SDK1: variants seen among roughly 807,000 people sequenced by gnomAD.
SDK1 encodes the protein protein sidekick-1.
Under a neutral mutation model 245.5 loss-of-function variants are expected in SDK1, and 157 were observed. That is an observed-to-expected ratio of 0.64 (90% CI 0.56 to 0.73). SDK1 has a LOEUF of 0.73. Among genes scored for constraint, SDK1 ranks in the 30% least tolerant of loss-of-function variants. The pLI, the probability that SDK1 is intolerant of heterozygous loss-of-function variation, is 0.00. For synonymous variants in SDK1, 1,647 were observed against 1,278.5 expected (o/e 1.29, Z -6.15); for missense variants, 3,583 against 3,002.3 (o/e 1.19, Z -4.52).
At position 3,974,391 on chromosome 7, in the gene SDK1, G is replaced by A. The variant is rs1205736099; in HGVS notation, c.1840G>A (p.Val614Met). 8.7e-6 allele frequency: 14 copies of A among 1,613,590 alleles called. No individual in the cohort carries two copies. The highest frequency in any genetic ancestry group is 1.6e-4 in the Middle Eastern group (1 of 6,082). The change falls in exon 13 of 45, where the codon GTG becomes ATG. Residue 614 changes from valine (V) to methionine (M), a missense_variant. Coordinates refer to ENST00000404826, the MANE Select transcript of SDK1 (RefSeq NM_152744.4). ...SLRYVWKKDN[V>M]ALTPSSTSRI... is the part of the protein sequence containing the mutation. Reference sequence around the variant, plus strand: ...CAGCTACGTTTGGAAGAAGGACAACGTGGCCCTGACTCCATCGAGCACGTC... The same window carrying A: ...CAGCTACGTTTGGAAGAAGGACAACATGGCCCTGACTCCATCGAGCACGTC...
At position 3,301,835 on chromosome 7, in the gene SDK1, G is replaced by C. The variant is rs1296827578; in HGVS notation, c.249G>C (p.Trp83Cys). ...AAKLGPGRRG[W>C]WALLALQLHL... ...AGTTGGGGCCGGGCCGCCGCGGCTG[G>C]TGGGCGCTGCTGGCGCTGCAGCTGC... Residue 83 changes from tryptophan (W) to cysteine (C), a missense_variant, in exon 1 of 45, where the codon TGG (tryptophan) becomes TGC (cysteine). Trp to Cys is a radical substitution (Grantham distance 215). Transcript: ENST00000404826. 2 of 1,126,412 alleles carry C rather than the reference G, an allele frequency of 1.8e-6. No individual in the cohort carries two copies. Among genetic ancestry groups the C allele is most frequent in the African/African-American group, 1.7e-5 (1 of 60,518 alleles). 69.8% of individuals were successfully genotyped at this position (1,126,412 alleles called of 1,614,324 possible).
At chr7:3,504,905 A>G (rs962235990) in intron 1 of SDK1, among the ~76,000 whole-genome samples, 2 of 152,182 alleles carry the variant, frequency 1.3e-5, no homozygotes, top group African/African-American at 4.8e-5. Context: ...TTCTACTCCT[A>G]GTTATGTACC....
rs1473606897 is a variant in SDK1, at chr7:3,615,603, T to C, written c.299-3477T>C. On this transcript the variant is annotated intron_variant, in intron 1 of 44. Transcript: ENST00000404826. Reference sequence around the variant, plus strand: ...TATTCTCAATGCTGATTACAGAGGCTGGTACATAGCATCAGTGCATGTTTA... The same window carrying C: ...TATTCTCAATGCTGATTACAGAGGCCGGTACATAGCATCAGTGCATGTTTA... Among the ~76,000 whole-genome samples the C allele has an allele frequency of 1.3e-5, 2 of 151,762 alleles. 1 individual carries two copies. The highest frequency in any genetic ancestry group is 6.3e-3 in the Middle Eastern group (2 of 316).
At chr7:4,214,251 A>T (rs985562712) in intron 38 of SDK1, among the ~76,000 whole-genome samples, 1 of 152,208 alleles carries the variant, frequency 6.6e-6, no homozygotes, top group African/African-American at 2.4e-5. Flanking sequence ...GTGAAGGTGA[A>T]CTTCAGAGAT....
intron 1 of SDK1, among the ~76,000 whole-genome samples, chr7:3,449,948 G>A (rs1156229047): frequency 2.0e-5 from 3 of 152,192 alleles, no homozygotes; most frequent in African/African-American, 7.2e-5. Flanking sequence ...ACGTAGAGGG[G>A]AACACACAAA....
intron 39 of SDK1, 106 bp from the exon 40 acceptor site, chr7:4,221,133 C>T (rs1199395938): frequency 5.8e-6 from 8 of 1,371,028 alleles, no homozygotes; most frequent in African/African-American, 5.7e-5. Context: ...TGCCCAGACA[C>T]TCTGCAGCCT....
chr7:3,494,487 ATTTT>A (rs999448684), intron 1 of SDK1, among the ~76,000 whole-genome samples: 2 of 151,964 alleles, frequency 1.3e-5, no homozygotes, highest in Non-Finnish European at 2.9e-5. Context: ...TTGTGAAAGA[ATTTT>A]TTTTGTTTTC....
intron 3 of SDK1, among the ~76,000 whole-genome samples, chr7:3,639,799 T>C (rs1165123626): frequency 2.0e-5 from 3 of 151,848 alleles, no homozygotes; most frequent in Non-Finnish European, 4.4e-5. Context: ...TATGTGTATA[T>C]ATAATAGAGA....
chr7:3,734,045 G>C (rs1157220390), intron 4 of SDK1, among the ~76,000 whole-genome samples: 2 of 152,190 alleles, frequency 1.3e-5, no homozygotes, highest in Non-Finnish European at 2.9e-5. Flanking sequence ...AGCCCTGGCT[G>C]TGCCCTGGAC....
chr7:3,519,378 T>C (rs561206309), intron 1 of SDK1, among the ~76,000 whole-genome samples: 16 of 152,300 alleles, frequency 1.1e-4, no homozygotes, highest in African/African-American at 3.6e-4. Context: ...AACATTACTG[T>C]GTACCCCATA....
At chr7:3,709,593 C>A (rs1168615453) in intron 4 of SDK1, among the ~76,000 whole-genome samples, 1 of 152,188 alleles carries the variant, frequency 6.6e-6, no homozygotes, top group African/African-American at 2.4e-5. Context: ...CTGTTAAATT[C>A]CTTCATTGTT....
chr7:3,358,690 G>A (rs1034434468), intron 1 of SDK1, among the ~76,000 whole-genome samples: 2 of 152,160 alleles, frequency 1.3e-5, no homozygotes, highest in African/African-American at 4.8e-5. Flanking sequence ...CATTGATACT[G>A]ATCTTGAGAA....
intron 1 of SDK1, among the ~76,000 whole-genome samples, chr7:3,512,114 A>G (rs765769440): frequency 1.3e-5 from 2 of 151,892 alleles, no homozygotes; most frequent in Admixed American, 6.6e-5. Flanking sequence ...TGACCTCTGC[A>G]TAGTTATCTC....
rs1554307103 is a variant in SDK1, at chr7:3,672,759, T to TATATATACATATATATATATATATATA, written c.713+30654_713+30655insATATATACATATATATATATATATATA. ...ATATATATTTTTATAATATATAATT[T>TATATATACATATATATATATATATATA]TATATATATATATATATATATATAT... On this transcript the variant is annotated intron_variant, in intron 4 of 44. Transcript: ENST00000404826. 9.5e-4 allele frequency among the ~76,000 whole-genome samples: 48 copies of TATATATACATATATATATATATATATA among 50,698 alleles called. 8 individuals carry two copies. The highest frequency in any genetic ancestry group is 1.0e-3 in the African/African-American group (12 of 11,510). 33.3% of individuals were successfully genotyped at this position (50,698 alleles called of 152,430 possible).
At chr7:3,561,018 C>G (rs1009449568) in intron 1 of SDK1, among the ~76,000 whole-genome samples, 4 of 152,148 alleles carry the variant, frequency 2.6e-5, no homozygotes, top group African/African-American at 4.8e-5. Context: ...TGGCACTTAT[C>G]ACATCTAACA....
At chr7:3,456,966 C>T (rs963094994) in intron 1 of SDK1, among the ~76,000 whole-genome samples, 7 of 152,218 alleles carry the variant, frequency 4.6e-5, no homozygotes, top group Middle Eastern at 3.4e-3. Flanking sequence ...CATCTGCTGC[C>T]GATAGGACTC....
At chr7:3,843,720 T>G (rs17133928) in intron 5 of SDK1, among the ~76,000 whole-genome samples, 4,114 of 152,298 alleles carry the variant, frequency 0.027, 188 homozygotes, top group African/African-American at 0.094. Context: ...CGCCTGACGA[T>G]GAAGCCATCG....
intron 1 of SDK1, among the ~76,000 whole-genome samples, chr7:3,321,699 C>A (rs1779807019): frequency 1.2e-5 from 1 of 84,928 alleles, no homozygotes; most frequent in African/African-American, 6.7e-5. Context: ...TCCTTCTCCT[C>A]CTCCTCCTCC....
chr7:3,478,620 C>CT (rs150104882), intron 1 of SDK1, among the ~76,000 whole-genome samples: 3,779 of 151,926 alleles, frequency 0.025, 158 homozygotes, highest in African/African-American at 0.087. Flanking sequence ...ATCAATGTTG[C>CT]TGGAGGTTTA....
Sources: gnomAD v4.1 joint callset for allele counts (sites outside exome capture counted in the v4.1 genomes callset) on GRCh38, gnomAD v4.1.1 for gene constraint, MANE v1.5 for transcripts, NCBI Gene and HGNC (gene_info 2026-07-23, HGNC 2026-07-21) for gene names.